The following ZYG11B variants were observed in gnomAD, a reference collection of about 807,000 sequenced individuals.
ZYG11B encodes the protein protein zyg-11 homolog B.
Under a neutral mutation model 82.4 loss-of-function variants are expected in ZYG11B, and 36 were observed. The ratio of observed to expected loss-of-function variants is 0.44; its 90% CI spans 0.33 to 0.58. The LOEUF (loss-of-function observed/expected upper bound fraction) is 0.58. Ranked by LOEUF, ZYG11B falls within the 20% of genes least tolerant of loss-of-function variation. The pLI, the probability that ZYG11B is intolerant of heterozygous loss-of-function variation, is 0.02. For missense variants in ZYG11B, 552 were observed against 895.6 expected (o/e 0.62, Z 4.90); for synonymous variants, 303 against 312.8 (o/e 0.97, Z 0.33).
chr1:52,731,123 A>C (rs1249754161), intron 1 of ZYG11B, among the ~76,000 whole-genome samples: 1 of 151,964 alleles, frequency 6.6e-6, no homozygotes, highest in Non-Finnish European at 1.5e-5. Flanking sequence ...AAATGCAAAA[A>C]TAAGCTGTGC....
At chr1:52,782,173 G>T (rs1002859709) in intron 4 of ZYG11B, among the ~76,000 whole-genome samples, 11 of 150,886 alleles carry the variant, frequency 7.3e-5, no homozygotes, top group Non-Finnish European at 4.4e-5. Flanking sequence ...GGGCTCAAAT[G>T]ATCCCCCTTC....
At chr1:52,815,831 A>T (rs1001311939) in intron 12 of ZYG11B, among the ~76,000 whole-genome samples, 13 of 151,476 alleles carry the variant, frequency 8.6e-5, no homozygotes, top group Non-Finnish European at 1.6e-4. Context: ...GCTACTTGGG[A>T]GGCTGAGGCA....
intron 1 of ZYG11B, among the ~76,000 whole-genome samples, chr1:52,728,846 G>A (rs932524288): frequency 1.6e-4 from 24 of 146,246 alleles, no homozygotes; most frequent in Middle Eastern, 3.5e-3. Flanking sequence ...AAGTAGAAAG[G>A]ATCCCCTCAC....
At chr1:52,790,383 T>C (rs1473192124) in intron 6 of ZYG11B, among the ~76,000 whole-genome samples, 1 of 152,132 alleles carries the variant, frequency 6.6e-6, no homozygotes, top group South Asian at 2.1e-4. Flanking sequence ...AAGGCATATA[T>C]AGAGATTCAT....
At chr1:52,743,402 TAAAAAAAA>T (rs71044414) in intron 1 of ZYG11B, among the ~76,000 whole-genome samples, 2 of 69,126 alleles carry the variant, frequency 2.9e-5, no homozygotes, top group African/African-American at 5.5e-5. Flanking sequence ...CAATAAATAC[TAAAAAAAA>T]AAAAAAAAAA....
At chr1:52,774,287 T>C (rs1162874796) in intron 3 of ZYG11B, among the ~76,000 whole-genome samples, 2 of 149,532 alleles carry the variant, frequency 1.3e-5, no homozygotes, top group Non-Finnish European at 3.0e-5. Context: ...ACCACAAGCA[T>C]GTGCCACCAT....
chr1:52,803,203 T>TATATATAC (rs1645104003), intron 10 of ZYG11B, among the ~76,000 whole-genome samples: 3 of 83,372 alleles, frequency 3.6e-5, no homozygotes, highest in Admixed American at 1.4e-4. Context: ...TATATATATA[T>TATATATAC]ACACACACAT....
chr1:52,785,148 A>T, intron 5 of ZYG11B, 95 bp downstream of exon 5: 1 of 1,330,520 alleles, frequency 7.5e-7, no homozygotes, highest in Non-Finnish European at 1.0e-6. Flanking sequence ...GGAAATTCAA[A>T]TGCCTTTGGA....
chr1:52,740,523 A>G (rs946504229), intron 1 of ZYG11B, among the ~76,000 whole-genome samples: 2 of 150,598 alleles, frequency 1.3e-5, no homozygotes, highest in Admixed American at 1.3e-4. Context: ...CTTAAACACA[A>G]TGTTATCTAT....
intron 1 of ZYG11B, among the ~76,000 whole-genome samples, chr1:52,728,026 C>A (rs1378972933): frequency 6.6e-6 from 1 of 152,080 alleles, no homozygotes; most frequent in African/African-American, 2.4e-5. Flanking sequence ...CATTTTTAGT[C>A]TGTCATTTTC....
chr1:52,806,299 A>G (rs1326750635), intron 10 of ZYG11B, among the ~76,000 whole-genome samples: 1 of 152,138 alleles, frequency 6.6e-6, no homozygotes, highest in Non-Finnish European at 1.5e-5. Context: ...AATTAGCTTG[A>G]TTAATTAACA....
Position 52,756,528 on chromosome 1 carries a change from G to T in ZYG11B, c.101G>T (p.Cys34Phe), listed in dbSNP as rs1168929370. Reference protein sequence around the residue: ...NFLTTHLEKFCSARQDGTLCL... With the variant: ...NFLTTHLEKFFSARQDGTLCL... Reference sequence around the variant, plus strand: ...TTGACTACTCACCTTGAGAAGTTCTGTTCAGCCAGACAAGATGGAACATTG... The same window carrying T: ...TTGACTACTCACCTTGAGAAGTTCTTTTCAGCCAGACAAGATGGAACATTG... The change falls in exon 2 of 14, where the codon TGT becomes TTT. Residue 34 changes from cysteine to phenylalanine, a missense_variant. By Grantham distance (205) the Cys-to-Phe change is radical. Around this residue, in one of 3 missense-constraint regions of ZYG11B, gnomAD observed 359 missense variants for 555.8 expected, o/e 0.65. Coordinates refer to ENST00000294353, the MANE Select transcript of ZYG11B (RefSeq NM_024646.3). 2 of 1,613,910 alleles carry T rather than the reference G, an allele frequency of 1.2e-6. No individual in the cohort carries two copies. Among genetic ancestry groups the T allele is most frequent in the Admixed American group, 3.3e-5 (2 of 59,970 alleles).
chr1:52,784,532 G>C (rs1644896672), intron 4 of ZYG11B, among the ~76,000 whole-genome samples: 1 of 152,218 alleles, frequency 6.6e-6, no homozygotes, highest in African/African-American at 2.4e-5. Flanking sequence ...ATTGAAATTT[G>C]AGAGTGGAGT....
At chr1:52,742,491 G>T (rs1037143054) in intron 1 of ZYG11B, among the ~76,000 whole-genome samples, 1 of 151,528 alleles carries the variant, frequency 6.6e-6, no homozygotes, top group African/African-American at 2.4e-5. Context: ...GTAAAAGAGA[G>T]AATTTTTTTT....
intron 10 of ZYG11B, among the ~76,000 whole-genome samples, chr1:52,810,859 A>C (rs78878518): frequency 6.6e-6 from 1 of 151,762 alleles, no homozygotes; most frequent in Non-Finnish European, 1.5e-5. Context: ...ACATGGCGAA[A>C]CCCTGTATCT....
At chr1:52,794,726 G>A (rs1301684104) in intron 6 of ZYG11B, among the ~76,000 whole-genome samples, 2 of 152,114 alleles carry the variant, frequency 1.3e-5, no homozygotes, top group Non-Finnish European at 2.9e-5. Context: ...GAAACTGTGG[G>A]TAAGATAATC....
At chr1:52,767,846 A>G (rs545689920) in intron 2 of ZYG11B, among the ~76,000 whole-genome samples, 14 of 152,244 alleles carry the variant, frequency 9.2e-5, no homozygotes, top group African/African-American at 2.4e-5. Context: ...TAGACTTCCT[A>G]TGACAGCACC....
chr1:52,779,999 A>G lies in ZYG11B; in HGVS notation c.1092+6A>G, dbSNP rs200767819. ...CAAAGCCAGAAATTTTAAAGGTAAG[A>G]ATAAGAAACTGGATATGAAATTTTT... On this transcript the variant is annotated splice_donor_region_variant and intron_variant, in intron 4 of 13. Transcript: ENST00000294353. The G allele has an allele frequency of 5.6e-6, 9 of 1,608,388 alleles. No individual in the cohort carries two copies. The highest frequency in any genetic ancestry group is 2.2e-5 in the South Asian group (2 of 89,640).
intron 5 of ZYG11B, among the ~76,000 whole-genome samples, chr1:52,787,551 GTAT>G (rs1354538824): frequency 6.6e-6 from 1 of 152,182 alleles, no homozygotes; most frequent in African/African-American, 2.4e-5. Context: ...AGTATTCACT[GTAT>G]TATTATTCCT....
Sources: allele counts gnomAD v4.1 joint callset (sites outside exome capture counted in the v4.1 genomes callset), GRCh38; gene constraint gnomAD v4.1.1; regional missense constraint gnomAD v4.1.1; transcripts MANE v1.5; gene names NCBI Gene and HGNC (gene_info 2026-07-23, HGNC 2026-07-21).